ZFP30: variants seen among roughly 807,000 people sequenced by gnomAD.
ZFP30 encodes the protein zinc finger protein 30 homolog.
In ZFP30, 16 loss-of-function variants were observed where a neutral mutation model predicts 12.3. The ratio of observed to expected loss-of-function variants is 1.30; its 90% confidence interval spans 0.88 to 1.98. The LOEUF is 1.98. Ranked by LOEUF, ZFP30 falls within the 30% of genes most tolerant of loss-of-function variation. ZFP30 has a pLI of 0.00. For missense variants in ZFP30, 560 were observed against 611.2 expected, an observed-to-expected ratio of 0.92 and a Z score of 0.88; for synonymous variants, 172 against 201.0, an observed-to-expected ratio of 0.86 and a Z score of 1.22.
intron 2 of ZFP30, among the ~76,000 whole-genome samples, chr19:37,652,796 T>G (rs1017700315): frequency 1.3e-5 from 2 of 152,140 alleles, no homozygotes; most frequent in Middle Eastern, 3.4e-3. Flanking sequence ...TTTAAATGAC[T>G]GGGAAGATAG....
intron 5 of ZFP30, among the ~76,000 whole-genome samples, chr19:37,637,850 A>AAT (rs1383515993): frequency 6.6e-6 from 1 of 152,054 alleles, no homozygotes; most frequent in African/African-American, 2.4e-5. Flanking sequence ...TCCACTTATT[A>AAT]TTCTCTTTAT....
intron 1 of ZFP30, 159 bp from the exon 2 acceptor site, chr19:37,655,038 G>A (rs545180887): frequency 6.6e-6 from 1 of 152,414 alleles, no homozygotes; most frequent in Admixed American, 6.5e-5. Flanking sequence ...CTAGACCCCA[G>A]ACACCCACCC....
At position 37,635,098 on chromosome 19, in the gene ZFP30, C is replaced by T. The variant is rs141260154; in HGVS notation, c.1443G>A (p.Leu481=). ...CGKAFRLHSS[L]IQHQRIHSGE... ...CAGAATGAATTCTCTGATGTTGAAT[C>T]AGTGATGAATGAAGTCTAAAGGCCT... The change falls in exon 6 of 6, where the codon CTG becomes CTA. Residue 481 remains leucine (L), a synonymous_variant. Coordinates refer to ENST00000684514, the MANE Select transcript of ZFP30 (RefSeq NM_001320669.3). 4.2e-5 allele frequency: 67 copies of T among 1,613,426 alleles called. No homozygotes were observed. In the African/African-American group the frequency reaches 8.5e-4, roughly 21 times the overall value.
chr19:37,637,203 C>CTTTTTTT (rs1002235029), intron 5 of ZFP30, among the ~76,000 whole-genome samples: 1 of 131,834 alleles, frequency 7.6e-6, no homozygotes. Flanking sequence ...TTCTTTTTTT[C>CTTTTTTT]TTTTTTTTTT....
In ZFP30 at chr19:37,632,535, G is replaced by A. The variant is rs1298947376; in HGVS notation, c.*2446C>T. On this transcript the variant is annotated 3_prime_UTR_variant, in exon 6 of 6. Coordinates refer to ENST00000684514, the MANE Select transcript of ZFP30 (RefSeq NM_001320669.3). ...ATGCCAGCGCTGACAATAGAAATACGTGAGCTACATATATAAATTTTCCTA... is the reference window on the plus strand; with the variant it reads ...ATGCCAGCGCTGACAATAGAAATACATGAGCTACATATATAAATTTTCCTA... 1.3e-5 allele frequency: 2 copies of A among 152,192 alleles called. No individual in the cohort carries two copies. Among genetic ancestry groups the A allele is most frequent in the African/African-American group, 2.4e-5 (1 of 41,516 alleles). The allele number at this position is 152,192 out of a possible 1,614,324, so 9.4% of individuals were successfully genotyped here.
chr19:37,634,692 ACAC>A lies in ZFP30; in HGVS notation c.*286_*288del. On this transcript the variant is annotated 3_prime_UTR_variant, in exon 6 of 6. Transcript: ENST00000684514. ...TCCCTAGCAACCTTCGTGTGTATAT[ACAC>A]AGATGGAAGAATATGGAGATAATAA... 3.5e-6 allele frequency: 1 copy of A among 282,864 alleles called. No homozygotes were observed. Among genetic ancestry groups the A allele is most frequent in the South Asian group, 1.2e-4 (1 of 8,630 alleles). The allele number at this position is 282,864 out of a possible 1,614,324, so 17.5% of individuals were successfully genotyped here.
intron 5 of ZFP30, among the ~76,000 whole-genome samples, chr19:37,642,113 A>G (rs2044447531): frequency 6.6e-6 from 1 of 152,250 alleles, no homozygotes; most frequent in Admixed American, 6.5e-5. Flanking sequence ...TTCAATATCT[A>G]AATCCAATAG....
chr19:37,654,395 T>TA (rs2044710704), intron 2 of ZFP30, among the ~76,000 whole-genome samples: 1 of 151,962 alleles, frequency 6.6e-6, no homozygotes, highest in Non-Finnish European at 1.5e-5. Flanking sequence ...ATCTAAACCC[T>TA]AAAAAACAAA....
At chr19:37,643,945 A>G (rs1441718701) in intron 4 of ZFP30, among the ~76,000 whole-genome samples, 1 of 152,234 alleles carries the variant, frequency 6.6e-6, no homozygotes, top group Non-Finnish European at 1.5e-5. Flanking sequence ...TCAACCCAGC[A>G]TCACATACAC....
At chr19:37,641,092 A>G (rs2044425642) in intron 5 of ZFP30, among the ~76,000 whole-genome samples, 1 of 152,220 alleles carries the variant, frequency 6.6e-6, no homozygotes, top group Non-Finnish European at 1.5e-5. Flanking sequence ...AACAACTGAA[A>G]GAAAAATATG....
chr19:37,634,730 T>A lies in ZFP30; in HGVS notation c.*251A>T. The A allele has an allele frequency of 5.2e-6, 2 of 384,516 alleles. No homozygotes were observed. The highest frequency in any genetic ancestry group is 8.1e-5 in the Admixed American group (2 of 24,542). 23.8% of individuals were successfully genotyped at this position (384,516 alleles called of 1,614,324 possible). On this transcript the variant is annotated 3_prime_UTR_variant, in exon 6 of 6. Coordinates refer to ENST00000684514, the MANE Select transcript of ZFP30 (RefSeq NM_001320669.3). ...AATATGGAGATAATAATAGGTAAGATCAAAAGCTTTTCCACATTCAGTCCT... is the reference window on the plus strand; with the variant it reads ...AATATGGAGATAATAATAGGTAAGAACAAAAGCTTTTCCACATTCAGTCCT...
chr19:37,650,772 T>C (rs1420227912), intron 2 of ZFP30, among the ~76,000 whole-genome samples: 1 of 151,568 alleles, frequency 6.6e-6, no homozygotes, highest in African/African-American at 2.4e-5. Flanking sequence ...TTTCACTCTG[T>C]CACCCAGGCT....
At chr19:37,642,732 G>T in intron 5 of ZFP30, among the ~76,000 whole-genome samples, 1 of 151,966 alleles carries the variant, frequency 6.6e-6, no homozygotes, top group Admixed American at 6.5e-5. Flanking sequence ...TGAAATAGGG[G>T]AAAGAAAAGG....
At chr19:37,646,512 GC>G (rs1361190462) in intron 3 of ZFP30, among the ~76,000 whole-genome samples, 8 of 151,948 alleles carry the variant, frequency 5.3e-5, no homozygotes, top group Non-Finnish European at 1.0e-4. Context: ...GACTTTAGAA[GC>G]AAAAAAACAA....
In ZFP30 at chr19:37,634,996, A is replaced by C; in HGVS notation, c.1545T>G (p.Ile515Met). The stretch of plus-strand genomic sequence containing the variant: ...CTAATAATTATTAAGTTACATTATG[A>C]ATTCGCTGATGGTAAGTAAGATGTG... ...QHSHLTYHQR[I>M]HNVT The change falls in exon 6 of 6, where the codon ATT becomes ATG. Residue 515 changes from isoleucine (I) to methionine (M), a missense_variant. Transcript: ENST00000684514. 6 of 1,548,878 alleles carry C rather than the reference A, an allele frequency of 3.9e-6. No homozygotes were observed. The highest frequency in any genetic ancestry group is 1.3e-5 in the South Asian group (1 of 79,788).
chr19:37,652,935 T>C (rs544808251), intron 2 of ZFP30, among the ~76,000 whole-genome samples: 26 of 151,960 alleles, frequency 1.7e-4, no homozygotes, highest in Admixed American at 5.2e-4. Flanking sequence ...CTGACCAACA[T>C]GGTGAAACCC....
chr19:37,645,098 G>A (rs2044515299), intron 3 of ZFP30, among the ~76,000 whole-genome samples: 2 of 152,020 alleles, frequency 1.3e-5, no homozygotes, highest in South Asian at 4.1e-4. Flanking sequence ...CCAGCTACTC[G>A]GGAGGTTGAG....
rs373540548 is a variant in ZFP30, at chr19:37,636,262, C to T, written c.279G>A (p.Lys93=). 8.7e-6 allele frequency: 14 copies of T among 1,602,998 alleles called. No individual in the cohort carries two copies. The East Asian group carries it at 8.9e-5, about 10-fold the overall frequency. ...RYDTKKLFQG[K]DIYEMNLSQW... ...GAGATAAGTTCATTTCATAAATATC[C>T]TTTCCTTGAAATAACTTTTTAGTGT... Residue 93 remains lysine, a synonymous_variant, in exon 6 of 6, where the codon AAG becomes AAA. Transcript: ENST00000684514.
intron 5 of ZFP30, among the ~76,000 whole-genome samples, chr19:37,641,269 C>T (rs1019129605): frequency 6.6e-6 from 1 of 152,184 alleles, no homozygotes; most frequent in Non-Finnish European, 1.5e-5. Context: ...AAATCATTCT[C>T]GTAGCCTATA....
Sources: allele counts gnomAD v4.1 joint callset (sites outside exome capture counted in the v4.1 genomes callset), GRCh38; gene constraint gnomAD v4.1.1; transcripts MANE v1.5; gene names NCBI Gene and HGNC (gene_info 2026-07-23, HGNC 2026-07-21).